GRM7: variants seen among roughly 807,000 people sequenced by gnomAD.
GRM7 encodes the protein glutamate metabotropic receptor 7.
Under a neutral mutation model 84.5 loss-of-function variants are expected in GRM7, and 35 were observed. The observed-to-expected ratio is 0.41, with a 90% CI of 0.32 to 0.55. The LOEUF is 0.55. Ranked by LOEUF, GRM7 falls within the 20% of genes least tolerant of loss-of-function variation. The pLI is 0.19. For synonymous variants in GRM7, 487 were observed against 455.1 expected (o/e 1.07, Z -0.89); for missense variants, 1,003 against 1,194.6 (o/e 0.84, Z 2.36).
chr3:7,506,858 T>C (rs138390929), intron 7 of GRM7, among the ~76,000 whole-genome samples: 118 of 152,286 alleles, frequency 7.7e-4, no homozygotes, highest in Non-Finnish European at 1.2e-3. Flanking sequence ...CATTAATCCA[T>C]TAGTGAGAGA....
At chr3:7,459,664 A>G (rs1236543066) in intron 6 of GRM7, among the ~76,000 whole-genome samples, 1 of 152,078 alleles carries the variant, frequency 6.6e-6, no homozygotes, top group Non-Finnish European at 1.5e-5. Context: ...GTATGGGGGA[A>G]ACTGCCCGCA....
intron 1 of GRM7, among the ~76,000 whole-genome samples, chr3:7,016,436 A>C (rs934848216): frequency 6.6e-6 from 1 of 152,154 alleles, no homozygotes; most frequent in Non-Finnish European, 1.5e-5. Context: ...CGTGCAGGGG[A>C]AACAGAAATT....
chr3:6,862,396 G>A lies in GRM7; in HGVS notation c.519+489G>A, dbSNP rs556924336. 1.3e-5 allele frequency among the ~76,000 whole-genome samples: 2 copies of A among 152,114 alleles called. No individual in the cohort carries two copies. The highest frequency in any genetic ancestry group is 4.8e-5 in the African/African-American group (2 of 41,514). On this transcript the variant is annotated intron_variant, in intron 1 of 9. Coordinates refer to ENST00000357716, the MANE Select transcript of GRM7 (RefSeq NM_000844.4). The surrounding 1 kb of genome is among the most constrained non-coding windows in gnomAD (Gnocchi z 5.2). ...AAAATTTGGAGACAGCCTTAAGGAGGCACTTCTTAAATCGAGGGCTCCGTC... is the reference window on the plus strand; with the variant it reads ...AAAATTTGGAGACAGCCTTAAGGAGACACTTCTTAAATCGAGGGCTCCGTC...
intron 2 of GRM7, among the ~76,000 whole-genome samples, chr3:7,157,763 A>G (rs1694500443): frequency 6.7e-6 from 1 of 148,766 alleles, no homozygotes; most frequent in Non-Finnish European, 1.5e-5. Context: ...CACCCTGTGG[A>G]TTTTTGATAA....
In GRM7 at chr3:6,957,433, C is replaced by T. The variant is rs142796587; in HGVS notation, c.519+95526C>T. 2.0e-3 allele frequency among the ~76,000 whole-genome samples: 298 copies of T among 152,324 alleles called. 2 individuals are homozygous for T. Among genetic ancestry groups the T allele is most frequent in the African/African-American group, 6.9e-3 (289 of 41,584 alleles). On this transcript the variant is annotated intron_variant, in intron 1 of 9. Coordinates refer to ENST00000357716, the MANE Select transcript of GRM7 (RefSeq NM_000844.4). ...AGGGCTGCATTTGACATCTGCAAAA[C>T]GCTCCCTCTGCATTTGCACTCTCAA...
At chr3:7,670,382 G>A (rs943184876) in intron 8 of GRM7, among the ~76,000 whole-genome samples, 3 of 152,146 alleles carry the variant, frequency 2.0e-5, no homozygotes, top group South Asian at 2.1e-4. Context: ...GGATGAATCC[G>A]ATCATCAAAA....
intron 7 of GRM7, among the ~76,000 whole-genome samples, chr3:7,474,867 G>A (rs969970253): frequency 6.6e-6 from 1 of 152,178 alleles, no homozygotes; most frequent in African/African-American, 2.4e-5. Flanking sequence ...TTATATGCCT[G>A]CAGGAAAGCA....
intron 4 of GRM7, among the ~76,000 whole-genome samples, chr3:7,407,816 G>T (rs971755491): frequency 6.6e-6 from 1 of 152,198 alleles, no homozygotes; most frequent in Non-Finnish European, 1.5e-5. Context: ...CTATCTGACT[G>T]CAAAGCGAGG....
intron 1 of GRM7, among the ~76,000 whole-genome samples, chr3:7,030,126 C>G (rs1175995194): frequency 5.9e-5 from 9 of 152,026 alleles, no homozygotes; most frequent in Admixed American, 5.9e-4. Flanking sequence ...AATGGACTAT[C>G]AAGGCAAACA....
chr3:7,344,091 T>G (rs35582110), intron 4 of GRM7, among the ~76,000 whole-genome samples: 6,949 of 140,778 alleles, frequency 0.049, 234 homozygotes, highest in Non-Finnish European at 0.072. Flanking sequence ...TCAAATCATG[T>G]TTTTTTTTTT....
chr3:7,152,830 C>A (rs190936601), intron 2 of GRM7, among the ~76,000 whole-genome samples: 75 of 152,292 alleles, frequency 4.9e-4, no homozygotes, highest in African/African-American at 1.8e-3. Context: ...AAAGCTTTTG[C>A]ATCGCTGTAG....
At chr3:7,334,641 T>C (rs1701334722) in intron 4 of GRM7, among the ~76,000 whole-genome samples, 3 of 152,024 alleles carry the variant, frequency 2.0e-5, no homozygotes, top group Admixed American at 6.6e-5. Flanking sequence ...AGATTAAAAG[T>C]CTATCAACCA....
intron 2 of GRM7, among the ~76,000 whole-genome samples, chr3:7,262,089 T>A (rs1010873231): frequency 5.3e-5 from 8 of 151,902 alleles, no homozygotes; most frequent in Non-Finnish European, 8.8e-5. Flanking sequence ...TTCTCTCTTA[T>A]TGCCTTTGAC....
chr3:7,238,832 C>CTT (rs1697441311), intron 2 of GRM7, among the ~76,000 whole-genome samples: 1 of 137,472 alleles, frequency 7.3e-6, no homozygotes, highest in Non-Finnish European at 1.5e-5. Flanking sequence ...CTCTCCTCTC[C>CTT]CCTCCCCTCC....
intron 7 of GRM7, among the ~76,000 whole-genome samples, chr3:7,502,864 G>A (rs78394167): frequency 0.011 from 1,730 of 152,188 alleles, 28 homozygotes; most frequent in African/African-American, 0.04. Context: ...TAATTCTAAC[G>A]CAACCCTGAA....
At chr3:7,169,486 A>G (rs1216315060) in intron 2 of GRM7, among the ~76,000 whole-genome samples, 1 of 152,128 alleles carries the variant, frequency 6.6e-6, no homozygotes, top group Non-Finnish European at 1.5e-5. Context: ...AAAAACACAG[A>G]AGGGATGTGG....
At chr3:6,989,522 C>A (rs902660537) in intron 1 of GRM7, among the ~76,000 whole-genome samples, 1 of 152,206 alleles carries the variant, frequency 6.6e-6, no homozygotes, top group African/African-American at 2.4e-5. Context: ...AGACTTTCTT[C>A]CTTCACAAAC....
intron 1 of GRM7, among the ~76,000 whole-genome samples, chr3:6,931,593 T>C (rs887860126): frequency 3.9e-5 from 6 of 152,210 alleles, no homozygotes; most frequent in Middle Eastern, 3.2e-3. Context: ...AAGTGCCCCC[T>C]GCAAGAAGGC....
chr3:7,322,687 A>G (rs1409345317), intron 4 of GRM7, among the ~76,000 whole-genome samples: 1 of 151,942 alleles, frequency 6.6e-6, no homozygotes, highest in African/African-American at 2.4e-5. Flanking sequence ...TGCTTCACTT[A>G]GAATAATGGT....
Sources: allele counts gnomAD v4.1 joint callset (sites outside exome capture counted in the v4.1 genomes callset), GRCh38; gene constraint gnomAD v4.1.1; non-coding constraint Gnocchi (gnomAD v3.1); transcripts MANE v1.5; gene names NCBI Gene and HGNC (gene_info 2026-07-23, HGNC 2026-07-21).